Variants in PAN3 observed in about 807,000 individuals in gnomAD.
The protein encoded by PAN3 is PAN2-PAN3 deadenylation complex subunit PAN3.
In PAN3, 19 loss-of-function variants were observed where a neutral mutation model predicts 96.2. That is an observed-to-expected ratio of 0.20 (90% confidence interval 0.14 to 0.29). PAN3 has a LOEUF of 0.29. Among genes scored for constraint, PAN3 ranks in the 10% least tolerant of loss-of-function variants. The probability of loss-of-function intolerance (pLI) is 1.00; values close to 1 mark genes in which losing one functional copy is unlikely to be tolerated. For synonymous variants in PAN3, 433 were observed against 406.6 expected, an observed-to-expected ratio of 1.06 and a Z score of -0.78; for missense variants, 882 against 1,108.1, an observed-to-expected ratio of 0.80 and a Z score of 2.90.
At chr13:28,203,685 A>C (rs1226084732) in intron 5 of PAN3, among the ~76,000 whole-genome samples, 2 of 152,196 alleles carry the variant, frequency 1.3e-5, no homozygotes, top group Non-Finnish European at 2.9e-5. Flanking sequence ...CTTCCATCTT[A>C]AAGTTTAACA....
chr13:28,212,373 A>G (rs1360184389), intron 5 of PAN3, among the ~76,000 whole-genome samples: 1 of 152,206 alleles, frequency 6.6e-6, no homozygotes, highest in African/African-American at 2.4e-5. Context: ...TAGCTACAAC[A>G]GAGAGCAAAG....
rs201327109 is a variant in PAN3, at chr13:28,267,077, A to T, written c.1574-18A>T. On this transcript the variant is annotated intron_variant, in intron 10 of 18. Transcript: ENST00000380958. Reference sequence around the variant, plus strand: ...GACGTCAATTAGAGTTTACTGGAGTAGAAAAATTGTCTTCCAGGTTTTCGT... The same window carrying T: ...GACGTCAATTAGAGTTTACTGGAGTTGAAAAATTGTCTTCCAGGTTTTCGT... 3 of 1,576,888 alleles carry T rather than the reference A, an allele frequency of 1.9e-6. No homozygotes were observed. Among genetic ancestry groups the T allele is most frequent in the Non-Finnish European group, 2.6e-6 (3 of 1,155,798 alleles).
In PAN3 at chr13:28,176,526, C is replaced by G; in HGVS notation, c.586C>G (p.Leu196Val). ...MTNSSSSPSL[L>V]NDSAKPYSAH... ...TAATAGTAGCAGCTCCCCAAGCCTT[C>G]TAAATGACAGTGCCAAGCCATATTC... Residue 196 changes from leucine to valine, a missense_variant, in exon 3 of 19, where the codon CTA becomes GTA. Leu to Val is a conservative substitution (Grantham distance 32). Coordinates refer to ENST00000380958, the MANE Select transcript of PAN3 (RefSeq NM_175854.8). The G allele has an allele frequency of 6.2e-7, 1 of 1,613,980 alleles. No individual in the cohort carries two copies.
intron 9 of PAN3, among the ~76,000 whole-genome samples, chr13:28,263,430 T>C (rs1302449858): frequency 1.3e-5 from 2 of 152,250 alleles, no homozygotes; most frequent in African/African-American, 4.8e-5. Context: ...CCTCCTGGGC[T>C]CAAGCAGTCC....
At chr13:28,212,926 T>A (rs1334153408) in intron 5 of PAN3, among the ~76,000 whole-genome samples, 1 of 152,096 alleles carries the variant, frequency 6.6e-6, no homozygotes, top group Non-Finnish European at 1.5e-5. Flanking sequence ...TTTCCAAACT[T>A]GATGAAGCTG....
chr13:28,157,828 C>T (rs767481272), intron 1 of PAN3, among the ~76,000 whole-genome samples: 10 of 152,164 alleles, frequency 6.6e-5, no homozygotes, highest in Non-Finnish European at 1.5e-4. Context: ...GCCAATGACA[C>T]TCTTCACAGA....
chr13:28,175,465 C>CA (rs1217225049), intron 2 of PAN3, among the ~76,000 whole-genome samples: 2 of 152,166 alleles, frequency 1.3e-5, no homozygotes, highest in African/African-American at 4.8e-5. Context: ...AGGCTAGTCT[C>CA]AAACTCCTGG....
At chr13:28,174,953 AT>A (rs1417833193) in intron 2 of PAN3, among the ~76,000 whole-genome samples, 1 of 152,000 alleles carries the variant, frequency 6.6e-6, no homozygotes, top group South Asian at 2.1e-4. Flanking sequence ...ATGTCTTTGA[AT>A]TTTTTTTAAC....
At chr13:28,205,107 G>A (rs1879190752) in intron 5 of PAN3, among the ~76,000 whole-genome samples, 1 of 151,912 alleles carries the variant, frequency 6.6e-6, no homozygotes. Flanking sequence ...GATCTCGGGG[G>A]CGGTGGGTGG....
At chr13:28,256,164 C>T in intron 6 of PAN3, 128 bp from the exon 7 acceptor site, 1 of 991,252 alleles carries the variant, frequency 1.0e-6, no homozygotes, top group Non-Finnish European at 1.5e-6. Context: ...AAATTATTTC[C>T]TTCATCTTTG....
intron 4 of PAN3, among the ~76,000 whole-genome samples, chr13:28,194,466 A>ATATATATTTTTT (rs1429166016): frequency 1.6e-5 from 2 of 122,132 alleles, no homozygotes; most frequent in African/African-American, 7.2e-5. Flanking sequence ...ATATATATAT[A>ATATATATTTTTT]TTTTTTTTTT....
chr13:28,248,666 A>G (rs559530686), intron 6 of PAN3, among the ~76,000 whole-genome samples: 2 of 152,282 alleles, frequency 1.3e-5, no homozygotes, highest in South Asian at 2.1e-4. Flanking sequence ...CTGGGACTAC[A>G]GGCGCATACC....
In PAN3 at chr13:28,277,527, T is replaced by C. The variant is rs1887163174; in HGVS notation, c.2189+151T>C. On this transcript the variant is annotated intron_variant, in intron 15 of 18. Coordinates refer to ENST00000380958, the MANE Select transcript of PAN3 (RefSeq NM_175854.8). ...TTATTTTTATTGCAAAGTAAATATT[T>C]CTTAGATAAATTGATAAACCAGTGT... The C allele has an allele frequency of 7.3e-6, 6 of 824,898 alleles. No individual in the cohort carries two copies. The Admixed American group carries it at 1.0e-4, about 14-fold the overall frequency. 51.1% of individuals were successfully genotyped at this position (824,898 alleles called of 1,614,324 possible).
intron 1 of PAN3, among the ~76,000 whole-genome samples, chr13:28,153,584 C>A (rs566958269): frequency 6.6e-6 from 1 of 152,210 alleles, no homozygotes; most frequent in African/African-American, 2.4e-5. Context: ...CTAGAGACAG[C>A]ACTGAGTTGT....
At chr13:28,226,553 G>T (rs1882019293) in intron 6 of PAN3, among the ~76,000 whole-genome samples, 1 of 152,104 alleles carries the variant, frequency 6.6e-6, no homozygotes, top group Non-Finnish European at 1.5e-5. Context: ...GGTATAAATG[G>T]TGTTTAATAA....
chr13:28,195,911 T>C (rs1331519166), intron 4 of PAN3, among the ~76,000 whole-genome samples: 1 of 152,210 alleles, frequency 6.6e-6, no homozygotes, highest in Non-Finnish European at 1.5e-5. Context: ...TGGAATAATT[T>C]ACATAGGCAT....
chr13:28,247,172 A>G (rs565996987), intron 6 of PAN3, among the ~76,000 whole-genome samples: 1 of 149,980 alleles, frequency 6.7e-6, no homozygotes, highest in South Asian at 2.1e-4. Context: ...GTGATTAATA[A>G]TGCTGGACTT....
At chr13:28,168,850 C>T (rs779099914) in intron 1 of PAN3, among the ~76,000 whole-genome samples, 5 of 151,944 alleles carry the variant, frequency 3.3e-5, no homozygotes, top group Admixed American at 6.6e-5. Flanking sequence ...AACCCCGTCT[C>T]TATTAAAAAT....
At chr13:28,277,114 T>A in intron 14 of PAN3, 123 bp from the exon 15 acceptor site, 1 of 962,930 alleles carries the variant, frequency 1.0e-6, no homozygotes, top group South Asian at 1.8e-5. Context: ...ATCACCAGTA[T>A]TTGAGGACCC....
Sources: allele counts gnomAD v4.1 joint callset (sites outside exome capture counted in the v4.1 genomes callset), GRCh38; gene constraint gnomAD v4.1.1; transcripts MANE v1.5; gene names NCBI Gene and HGNC (gene_info 2026-07-23, HGNC 2026-07-21).